CSPG5: variants seen among roughly 807,000 people sequenced by gnomAD.
CSPG5 encodes the protein chondroitin sulfate proteoglycan 5, also known as acidic leucine-rich EGF-like domain-containing brain protein.
A neutral mutation model predicts 39.8 loss-of-function variants in CSPG5; 25 were observed. The observed-to-expected ratio is 0.63, with a 90% CI of 0.46 to 0.88. The LOEUF (loss-of-function observed/expected upper bound fraction) is 0.88. Among genes scored for constraint, CSPG5 ranks in the 40% least tolerant of loss-of-function variants. The pLI is 0.00. For missense variants in CSPG5, 627 were observed against 702.2 expected (o/e 0.89, Z 1.21); for synonymous variants, 295 against 303.9 (o/e 0.97, Z 0.31).
chr3:47,562,558 C>G lies in CSPG5; in HGVS notation c.*42G>C. 4.9e-6 allele frequency: 6 copies of G among 1,222,024 alleles called. No homozygotes were observed. Among genetic ancestry groups the G allele is most frequent in the Non-Finnish European group, 7.1e-6 (6 of 845,488 alleles). 75.7% of individuals were successfully genotyped at this position (1,222,024 alleles called of 1,614,324 possible). On this transcript the variant is annotated 3_prime_UTR_variant, in exon 5 of 5. Coordinates refer to ENST00000264723, the MANE Select transcript of CSPG5 (RefSeq NM_006574.4). ...AGAGGAGATAATGTTTCTTCCCCTACCCCCCACCCACTACCCCCGCTTCCT... is the reference window on the plus strand; with the variant it reads ...AGAGGAGATAATGTTTCTTCCCCTAGCCCCCACCCACTACCCCCGCTTCCT...
In CSPG5 at chr3:47,577,565, G is replaced by C. The variant is rs929408475; in HGVS notation, c.461C>G (p.Ser154Cys). 3.7e-6 allele frequency: 6 copies of C among 1,610,644 alleles called. No individual in the cohort carries two copies. The highest frequency in any genetic ancestry group is 2.7e-5 in the African/African-American group (2 of 74,896). The change falls in exon 2 of 5, where the codon TCC becomes TGC. Residue 154 changes from serine to cysteine, a missense_variant. Transcript: ENST00000264723. The surrounding 1 kb of genome is among the most constrained non-coding windows in gnomAD (Gnocchi z 4.7). ...PEATEASGPP[S>C]PTPGDKLSPA... is the part of the protein sequence containing the mutation. ...GCTCAGCTTGTCGCCGGGGGTGGGG[G>C]AGGGTGGCCCGCTGGCCTCTGTAGC...
rs2031853958 is a variant in CSPG5 at position 47,578,317 on chromosome 3, C to CG, written c.97+279_97+280insC. Among the ~76,000 whole-genome samples the CG allele has an allele frequency of 6.8e-6, 1 of 146,582 alleles. No homozygotes were observed. The highest frequency in any genetic ancestry group is 2.5e-5 in the African/African-American group (1 of 39,886). On this transcript the variant is annotated intron_variant, in intron 1 of 4. Coordinates refer to ENST00000264723, the MANE Select transcript of CSPG5 (RefSeq NM_006574.4). The surrounding 1 kb of genome is among the most constrained non-coding windows in gnomAD (Gnocchi z 6.0). ...CCCGAAGTCTCACCCTCAGGCCCCG[C>CG]CCCGGCCCCGCCCCGGCCCCGCCCC...
intron 4 of CSPG5, among the ~76,000 whole-genome samples, chr3:47,564,619 A>G (rs1184841820): frequency 6.6e-6 from 1 of 152,196 alleles, no homozygotes; most frequent in Non-Finnish European, 1.5e-5. Context: ...TGAATGGTCA[A>G]TCACTGCTTA....
At chr3:47,571,477 C>G (rs1436177573) in intron 3 of CSPG5, among the ~76,000 whole-genome samples, 3 of 152,250 alleles carry the variant, frequency 2.0e-5, no homozygotes, top group Non-Finnish European at 1.5e-5. Context: ...TCACCCACCC[C>G]CTTGGTGTAG....
At chr3:47,569,113 G>C (rs766065633) in intron 4 of CSPG5, 39 bp downstream of exon 4, 17 of 1,589,628 alleles carry the variant, frequency 1.1e-5, no homozygotes, top group Middle Eastern at 1.7e-4. Context: ...CACGGGCATG[G>C]GGGGAGGAGG....
chr3:47,566,369 G>A (rs1012776323), intron 4 of CSPG5, among the ~76,000 whole-genome samples: 10 of 152,068 alleles, frequency 6.6e-5, no homozygotes, highest in Admixed American at 1.3e-4. Context: ...CACTCTCCCC[G>A]GCTGCTGGCA....
Position 47,572,638 on chromosome 3 carries a change from G to A in CSPG5, c.1382+48C>T, listed in dbSNP as rs1576371631. The A allele has an allele frequency of 1.9e-6, 3 of 1,538,988 alleles. No individual in the cohort carries two copies. Among genetic ancestry groups the A allele is most frequent in the African/African-American group, 1.4e-5 (1 of 73,416 alleles). On this transcript the variant is annotated intron_variant, in intron 3 of 4. Transcript: ENST00000264723. The surrounding 1 kb of genome is among the most constrained non-coding windows in gnomAD (Gnocchi z 4.5). ...TGGAGGGGTGCAGCAGCGTCGGGGGGCCTCCCACACCCTGACCTGGGTGGA... is the reference window on the plus strand; with the variant it reads ...TGGAGGGGTGCAGCAGCGTCGGGGGACCTCCCACACCCTGACCTGGGTGGA...
Position 47,577,146 on chromosome 3 carries a change from G to C in CSPG5, c.880C>G (p.Leu294Val). 6.2e-7 allele frequency: 1 copy of C among 1,613,656 alleles called. No homozygotes were observed. Reference sequence around the variant, plus strand: ...ACTAGAAGCTCATTTTCATCTTCTAGGTCTCCACCTCCTACTGCATCTTTG... The same window carrying C: ...ACTAGAAGCTCATTTTCATCTTCTACGTCTCCACCTCCTACTGCATCTTTG... The part of the protein sequence containing the change: ...DDKDAVGGGD[L>V]EDENELLVPT... Residue 294 changes from leucine to valine, a missense_variant, in exon 2 of 5, where the codon CTA becomes GTA. Coordinates refer to ENST00000264723, the MANE Select transcript of CSPG5 (RefSeq NM_006574.4). The surrounding 1 kb of genome is among the most constrained non-coding windows in gnomAD (Gnocchi z 4.7).
In CSPG5 at chr3:47,576,852, T is replaced by C. The variant is rs1430598398; in HGVS notation, c.1174A>G (p.Asn392Asp). ...CCTTACCTGCAGAAGGCCCCTATGT[T>C]CTCCACCAGGTAGCACTGGCCGCCA... ...HNGGQCYLVE[N>D]IGAFCRCNTQ... The change falls in exon 2 of 5, where the codon AAC (asparagine) becomes GAC (aspartate). Residue 392 changes from asparagine to aspartate, a missense_variant. Coordinates refer to ENST00000264723, the MANE Select transcript of CSPG5 (RefSeq NM_006574.4). 4 of 1,566,614 alleles carry C rather than the reference T, an allele frequency of 2.6e-6. No individual in the cohort carries two copies. Among genetic ancestry groups the C allele is most frequent in the Non-Finnish European group, 3.5e-6 (4 of 1,154,436 alleles).
intron 4 of CSPG5, among the ~76,000 whole-genome samples, chr3:47,565,155 T>C (rs1385075163): frequency 8.5e-5 from 13 of 152,056 alleles, no homozygotes; most frequent in Admixed American, 8.5e-4. Context: ...GTCTCAGAGC[T>C]CTGATGCCAT....
At chr3:47,580,161 T>C (rs2031932208), upstream of CSPG5, 3 of 152,274 alleles carry the variant, frequency 2.0e-5, no homozygotes, top group Admixed American at 1.3e-4. Context: ...TCTTATCACC[T>C]TTCCCTCTAT....
At position 47,577,932 on chromosome 3, in the gene CSPG5, CGG is replaced by C. The variant is rs766317802; in HGVS notation, c.98-6_98-5del. The stretch of plus-strand genomic sequence containing the variant: ...ACCGCGCTGCCCGCCTCACGCGCTG[CGG>C]GCGGGAGGGCAAGGGGCGGGACGTC... On this transcript the variant is annotated splice_region_variant and splice_polypyrimidine_tract_variant and intron_variant, in intron 1 of 4. Coordinates refer to ENST00000264723, the MANE Select transcript of CSPG5 (RefSeq NM_006574.4). The surrounding 1 kb of genome is among the most constrained non-coding windows in gnomAD (Gnocchi z 4.7). 7.0e-6 allele frequency: 10 copies of C among 1,420,872 alleles called. No homozygotes were observed. The highest frequency in any genetic ancestry group is 9.1e-6 in the Non-Finnish European group (10 of 1,100,208). The allele number at this position is 1,420,872 out of a possible 1,614,324, so 88.0% of individuals were successfully genotyped here. A position where few individuals can be genotyped will look rare whatever the true frequency, so the allele number is the denominator to read the frequency against.
At chr3:47,564,374 C>A (rs1468880651) in intron 4 of CSPG5, among the ~76,000 whole-genome samples, 2 of 152,192 alleles carry the variant, frequency 1.3e-5, no homozygotes, top group Non-Finnish European at 2.9e-5. Flanking sequence ...TCCATGAGTT[C>A]TGTGCATATG....
At position 47,577,569 on chromosome 3, in the gene CSPG5, G is replaced by T. The variant is rs750902675; in HGVS notation, c.457C>A (p.Pro153Thr). 6.2e-7 allele frequency: 1 copy of T among 1,610,498 alleles called. No individual in the cohort carries two copies. Among genetic ancestry groups the T allele is most frequent in the Admixed American group, 1.7e-5 (1 of 59,858 alleles). ...AGCTTGTCGCCGGGGGTGGGGGAGG[G>T]TGGCCCGCTGGCCTCTGTAGCCTCA... ...IPEATEASGP[P>T]SPTPGDKLSP... Residue 153 changes from proline to threonine, a missense_variant, in exon 2 of 5, where the codon CCC (proline) becomes ACC (threonine). Coordinates refer to ENST00000264723, the MANE Select transcript of CSPG5 (RefSeq NM_006574.4). This position sits in a 1 kb window ranked among gnomAD's most constrained non-coding sequence, Gnocchi z 4.7.
chr3:47,577,315 G>T lies in CSPG5; in HGVS notation c.711C>A (p.Asn237Lys). The T allele has an allele frequency of 6.2e-7, 1 of 1,613,840 alleles. No homozygotes were observed. The highest frequency in any genetic ancestry group is 8.5e-7 in the Non-Finnish European group (1 of 1,179,842). Residue 237 changes from asparagine (N) to lysine (K), a missense_variant, in exon 2 of 5, where the codon AAC becomes AAA. Coordinates refer to ENST00000264723, the MANE Select transcript of CSPG5 (RefSeq NM_006574.4). The surrounding 1 kb of genome is among the most constrained non-coding windows in gnomAD (Gnocchi z 4.7). ...SFPGSPGTSE[N>K]HPDTEGETPS... is the part of the protein sequence containing the mutation. ...GGGTCTCTCCCTCAGTATCAGGGTG[G>T]TTCTCTGAGGTTCCTGGTGACCCTG...
chr3:47,576,200 GT>G (rs2031723533), intron 2 of CSPG5, among the ~76,000 whole-genome samples: 3 of 152,010 alleles, frequency 2.0e-5, no homozygotes, highest in African/African-American at 7.2e-5. Flanking sequence ...GCCTCCCAAA[GT>G]GCTGGGATTA....
At chr3:47,570,417 T>TGTA (rs1216755780) in intron 3 of CSPG5, among the ~76,000 whole-genome samples, 5 of 151,904 alleles carry the variant, frequency 3.3e-5, no homozygotes, top group Admixed American at 6.6e-5. Context: ...TGCCATGGAT[T>TGTA]GTAATAAGGT....
At position 47,572,652 on chromosome 3, in the gene CSPG5, G is replaced by C. The variant is rs780861251; in HGVS notation, c.1382+34C>G. 2 of 1,595,496 alleles carry C rather than the reference G, an allele frequency of 1.3e-6. No homozygotes were observed. Among genetic ancestry groups the C allele is most frequent in the South Asian group, 2.2e-5 (2 of 90,320 alleles). On this transcript the variant is annotated intron_variant, in intron 3 of 4. Coordinates refer to ENST00000264723, the MANE Select transcript of CSPG5 (RefSeq NM_006574.4). This position sits in a 1 kb window ranked among gnomAD's most constrained non-coding sequence, Gnocchi z 4.5. ...AGCGTCGGGGGGCCTCCCACACCCT[G>C]ACCTGGGTGGATGGGTGAGTGACAC...
chr3:47,568,973 C>T (rs1025566243), intron 4 of CSPG5, 179 bp downstream of exon 4: 9 of 1,199,600 alleles, frequency 7.5e-6, no homozygotes, highest in Non-Finnish European at 1.0e-5. Context: ...GGCTGACCTC[C>T]AGAGCTCTCT....
Sources: allele counts gnomAD v4.1 joint callset (sites outside exome capture counted in the v4.1 genomes callset), GRCh38; gene constraint gnomAD v4.1.1; non-coding constraint Gnocchi (gnomAD v3.1); transcripts MANE v1.5; gene names NCBI Gene and HGNC (gene_info 2026-07-23, HGNC 2026-07-21).